Variants in PRDM6 observed in about 807,000 individuals in gnomAD.
The protein encoded by PRDM6 is PR/SET domain 6, also known as putative histone-lysine N-methyltransferase PRDM6.
A neutral mutation model predicts 60.8 loss-of-function variants in PRDM6; 25 were observed. The ratio of observed to expected loss-of-function variants is 0.41; its 90% confidence interval spans 0.30 to 0.57. The LOEUF (loss-of-function observed/expected upper bound fraction) is 0.57. Ranked by LOEUF, PRDM6 falls within the 20% of genes least tolerant of loss-of-function variation. PRDM6 has a pLI of 0.27. For synonymous variants in PRDM6, 407 were observed against 357.4 expected, an observed-to-expected ratio of 1.14 and a Z score of -1.57; for missense variants, 839 against 821.3, an observed-to-expected ratio of 1.02 and a Z score of -0.26.
At position 123,111,109 on chromosome 5, in the gene PRDM6, C is replaced by T. The variant is rs535637184; in HGVS notation, c.900+11148C>T. The stretch of plus-strand genomic sequence containing the variant: ...TTCAGATATGCAAGATGAAAACATT[C>T]TGGAGATTGGTTGCATAACGATGTG... On this transcript the variant is annotated intron_variant, in intron 3 of 7. Transcript: ENST00000407847. Among the ~76,000 whole-genome samples the T allele has an allele frequency of 3.9e-5, 6 of 152,178 alleles. No homozygotes were observed. The East Asian group carries it at 1.2e-3, about 29-fold the overall frequency.
At chr5:123,170,105 G>A (rs1178309832) in intron 5 of PRDM6, among the ~76,000 whole-genome samples, 4 of 151,826 alleles carry the variant, frequency 2.6e-5, no homozygotes, top group African/African-American at 7.3e-5. Flanking sequence ...GACTTTTAAG[G>A]CCCTCTGAGG....
intron 6 of PRDM6, among the ~76,000 whole-genome samples, chr5:123,175,125 G>C (rs1292921377): frequency 1.3e-5 from 2 of 152,146 alleles, no homozygotes; most frequent in Admixed American, 6.5e-5. Context: ...GTATGGTGGT[G>C]GGGGGTATGC....
At chr5:123,152,688 C>T in intron 3 of PRDM6, among the ~76,000 whole-genome samples, 1 of 152,166 alleles carries the variant, frequency 6.6e-6, no homozygotes, top group Non-Finnish European at 1.5e-5. Flanking sequence ...GTGGACAAGC[C>T]ACTCACAGAC....
chr5:123,148,497 AAAT>A (rs1765298306), intron 3 of PRDM6, among the ~76,000 whole-genome samples: 1 of 152,172 alleles, frequency 6.6e-6, no homozygotes, highest in African/African-American at 2.4e-5. Context: ...ATTTGAGAAA[AAAT>A]AAAAAGCTGA....
chr5:123,175,027 T>C (rs1311598109), intron 6 of PRDM6, among the ~76,000 whole-genome samples: 1 of 149,370 alleles, frequency 6.7e-6, no homozygotes, highest in East Asian at 1.9e-4. Context: ...TTTGGGGTTT[T>C]GCATAAGCTT....
At chr5:123,146,307 C>G (rs79716589) in intron 3 of PRDM6, among the ~76,000 whole-genome samples, 1 of 152,118 alleles carries the variant, frequency 6.6e-6, no homozygotes, top group Admixed American at 6.6e-5. Context: ...CTCCATAAGA[C>G]GTGTTGCACG....
At chr5:123,112,185 G>A (rs79192478) in intron 3 of PRDM6, among the ~76,000 whole-genome samples, 1,792 of 151,488 alleles carry the variant, frequency 0.012, 28 homozygotes, top group African/African-American at 0.039. Context: ...ACTGGAAGGT[G>A]TTTGGCAGTG....
At chr5:123,182,560 C>T (rs1302217624) in intron 7 of PRDM6, among the ~76,000 whole-genome samples, 1 of 152,180 alleles carries the variant, frequency 6.6e-6, no homozygotes, top group Non-Finnish European at 1.5e-5. Context: ...TGACTTCACT[C>T]AATTTTTTTC....
At position 123,133,138 on chromosome 5, in the gene PRDM6, A is replaced by G. The variant is rs185256087; in HGVS notation, c.901-22746A>G. ...CATACAGTGTGAGAGGCCTGTGAAT[A>G]TGAAAGTAAAAAGGAAATAATTACT... On this transcript the variant is annotated intron_variant, in intron 3 of 7. Coordinates refer to ENST00000407847, the MANE Select transcript of PRDM6 (RefSeq NM_001136239.4). Among the ~76,000 whole-genome samples the G allele has an allele frequency of 1.7e-4, 26 of 152,272 alleles. No homozygotes were observed. The East Asian group carries it at 5.0e-3, about 29-fold the overall frequency.
Position 123,190,927 on chromosome 5 carries a change from A to C in PRDM6, c.*3726A>C, listed in dbSNP as rs1766419135. ...CAGTGAAGTTAAAGATTTTGTTCCA[A>C]CTGGGAAAATCTGAGAGAGGTAAAT... On this transcript the variant is annotated 3_prime_UTR_variant, in exon 8 of 8. Transcript: ENST00000407847. 1 of 152,236 alleles carries C rather than the reference A, an allele frequency of 6.6e-6. No homozygotes were observed. Among genetic ancestry groups the C allele is most frequent in the South Asian group, 2.1e-4 (1 of 4,826 alleles). 9.4% of individuals were successfully genotyped at this position (152,236 alleles called of 1,614,324 possible). A position where few individuals can be genotyped will look rare whatever the true frequency, so the allele number is the denominator to read the frequency against.
At position 123,166,080 on chromosome 5, in the gene PRDM6, C is replaced by T. The variant is rs147642407; in HGVS notation, c.1154-4686C>T. Among the ~76,000 whole-genome samples the T allele has an allele frequency of 5.2e-3, 793 of 152,320 alleles. 5 individuals are homozygous for T. Among genetic ancestry groups the T allele is most frequent in the Non-Finnish European group, 8.3e-3 (563 of 68,026 alleles). ...TCCTCTGTTGTGTTAACCTGCCTCC[C>T]GTCACCCCGTCAGATATTTCCGTGG... On this transcript the variant is annotated intron_variant, in intron 5 of 7. Coordinates refer to ENST00000407847, the MANE Select transcript of PRDM6 (RefSeq NM_001136239.4).
chr5:123,158,999 A>G (rs1765568829), intron 4 of PRDM6, among the ~76,000 whole-genome samples: 1 of 152,116 alleles, frequency 6.6e-6, no homozygotes, highest in Non-Finnish European at 1.5e-5. Flanking sequence ...CTTCTCCTGT[A>G]TCAAACTTTA....
At chr5:123,166,649 A>AT (rs1765759526) in intron 5 of PRDM6, among the ~76,000 whole-genome samples, 1 of 152,214 alleles carries the variant, frequency 6.6e-6, no homozygotes, top group Non-Finnish European at 1.5e-5. Context: ...GGTTTTCCTG[A>AT]TCCCCCTATA....
intron 3 of PRDM6, among the ~76,000 whole-genome samples, chr5:123,144,038 A>T (rs1189397694): frequency 1.3e-5 from 2 of 152,162 alleles, no homozygotes; most frequent in South Asian, 2.1e-4. Context: ...ATGGCTTCAA[A>T]GGTCTAAATT....
intron 5 of PRDM6, among the ~76,000 whole-genome samples, chr5:123,164,353 C>T (rs1276155104): frequency 1.3e-5 from 2 of 152,118 alleles, no homozygotes; most frequent in African/African-American, 4.8e-5. Context: ...ACTTTCCTGT[C>T]CCTGAATGGG....
At chr5:123,114,902 G>A (rs1359229067) in intron 3 of PRDM6, among the ~76,000 whole-genome samples, 1 of 152,242 alleles carries the variant, frequency 6.6e-6, no homozygotes, top group East Asian at 1.9e-4. Context: ...TGGATGCTTG[G>A]TGGAGAACAG....
intron 5 of PRDM6, among the ~76,000 whole-genome samples, chr5:123,168,318 T>G (rs1353803826): frequency 6.6e-6 from 1 of 152,084 alleles, no homozygotes; most frequent in African/African-American, 2.4e-5. Flanking sequence ...CACAAAACAA[T>G]GTACTAGCTG....
chr5:123,119,430 G>A (rs1435609852), intron 3 of PRDM6, among the ~76,000 whole-genome samples: 3 of 152,156 alleles, frequency 2.0e-5, no homozygotes, highest in Non-Finnish European at 4.4e-5. Flanking sequence ...GTGCTCAGGC[G>A]CCCACTGCAG....
intron 7 of PRDM6, among the ~76,000 whole-genome samples, chr5:123,186,749 A>G (rs772403388): frequency 6.6e-6 from 1 of 152,250 alleles, no homozygotes; most frequent in Non-Finnish European, 1.5e-5. Context: ...CAGAGTAGAA[A>G]ACTGCAGGCA....
Sources: allele counts gnomAD v4.1 joint callset (sites outside exome capture counted in the v4.1 genomes callset), GRCh38; gene constraint gnomAD v4.1.1; transcripts MANE v1.5; gene names NCBI Gene and HGNC (gene_info 2026-07-23, HGNC 2026-07-21).